RGP1: variants seen among roughly 807,000 people sequenced by gnomAD.
RGP1 encodes the protein RGP1 partner of RAB6A GEF complex, also known as RAB6A-GEF complex partner protein 2.
Under a neutral mutation model 44.5 loss-of-function variants are expected in RGP1, and 28 were observed. That is an observed-to-expected ratio of 0.63 (90% CI 0.47 to 0.86). The LOEUF (loss-of-function observed/expected upper bound fraction) is 0.86, where lower values mean the gene tolerates loss of function less well. RGP1 is among the 40% of genes least tolerant of loss of function. The pLI is 0.00. For synonymous variants in RGP1, 212 were observed against 196.7 expected (o/e 1.08, Z -0.65); for missense variants, 417 against 490.7 (o/e 0.85, Z 1.42).
At position 35,750,491 on chromosome 9, in the gene RGP1, G is replaced by A. The variant is rs907879259; in HGVS notation, c.253+112G>A. ...TTCTTGTTCTTATAGTCCCTGTCAT[G>A]CTGGGGATGTTGGGGAGCATGACTA... On this transcript the variant is annotated intron_variant, in intron 3 of 8. Coordinates refer to ENST00000378078, the MANE Select transcript of RGP1 (RefSeq NM_001080496.3). 7 of 1,375,278 alleles carry A rather than the reference G, an allele frequency of 5.1e-6. No homozygotes were observed. The Admixed American group carries it at 1.3e-4, about 26-fold the overall frequency. The allele number at this position is 1,375,278 out of a possible 1,614,324, so 85.2% of individuals were successfully genotyped here. A position where few individuals can be genotyped will look rare whatever the true frequency, so the allele number is the denominator to read the frequency against.
downstream of RGP1, among the ~76,000 whole-genome samples, chr9:35,762,827 T>G (rs1827430581): frequency 6.6e-6 from 1 of 151,820 alleles, no homozygotes; most frequent in South Asian, 2.1e-4. Flanking sequence ...TCCTTGAAGA[T>G]TTTCTTTTTA....
the RGP1 span, among the ~76,000 whole-genome samples, chr9:35,788,839 C>A: frequency 2.6e-5 from 4 of 151,946 alleles, no homozygotes; most frequent in Non-Finnish European, 4.4e-5. Flanking sequence ...TATACATAAC[C>A]GAAGTTCTCA....
rs1156413634 is a variant in RGP1 at position 35,752,835 on chromosome 9, T to A, written c.1137T>A (p.Tyr379Ter). The change falls in exon 9 of 9, where the codon TAT becomes TAA. Residue 379 changes from tyrosine to a stop codon, truncating the protein, a stop_gained. Coordinates refer to ENST00000378078, the MANE Select transcript of RGP1 (RefSeq NM_001080496.3). LOFTEE classifies it high-confidence loss of function. The stretch of plus-strand genomic sequence containing the variant: ...CTACTAGCCCCACCCTGGCCTCATA[T>A]GCTGCCCCAGGCCCCAGCACCAGCA... ...VLPTSPTLAS[Y>*]AAPGPSTSTI... 1.2e-6 allele frequency: 2 copies of A among 1,613,876 alleles called. No homozygotes were observed. Among genetic ancestry groups the A allele is most frequent in the Non-Finnish European group, 1.7e-6 (2 of 1,179,846 alleles).
chr9:35,754,704 A>C lies in RGP1; in HGVS notation c.*1830A>C, dbSNP rs921728590. ...AGCTGCAATAGGGTGCGACGGCCAG[A>C]AGCTCCAGGAGAGTGAGCAGGCACC... On this transcript the variant is annotated 3_prime_UTR_variant, in exon 9 of 9. Coordinates refer to ENST00000378078, the MANE Select transcript of RGP1 (RefSeq NM_001080496.3). 1.3e-5 allele frequency: 2 copies of C among 152,292 alleles called. No homozygotes were observed. Among genetic ancestry groups the C allele is most frequent in the African/African-American group, 4.8e-5 (2 of 41,438 alleles). 9.4% of individuals were successfully genotyped at this position (152,292 alleles called of 1,614,324 possible).
chr9:35,782,783 T>C, the RGP1 span, among the ~76,000 whole-genome samples: 10 of 150,866 alleles, frequency 6.6e-5, no homozygotes, highest in Admixed American at 6.6e-4. Flanking sequence ...TTGAATAAAG[T>C]ACACCAACTA....
chr9:35,751,854 T>A (rs531390522), intron 7 of RGP1, 100 bp downstream of exon 7: 2 of 1,581,146 alleles, frequency 1.3e-6, no homozygotes, highest in African/African-American at 1.4e-5. Flanking sequence ...AAGGGGATAG[T>A]GGGGTCATCC....
At position 35,749,952 on chromosome 9, in the gene RGP1, G is replaced by C; in HGVS notation, c.116+81G>C. The stretch of plus-strand genomic sequence containing the variant: ...CTGGGGCTGAGGCAGAGCTCAGGTT[G>C]TCCTGTAGCGACACCACCTCCTCTT... On this transcript the variant is annotated intron_variant, in intron 2 of 8. Coordinates refer to ENST00000378078, the MANE Select transcript of RGP1 (RefSeq NM_001080496.3). This position sits in a 1 kb window ranked among gnomAD's most constrained non-coding sequence, Gnocchi z 4.4. 7 of 1,115,066 alleles carry C rather than the reference G, an allele frequency of 6.3e-6. No individual in the cohort carries two copies. Among genetic ancestry groups the C allele is most frequent in the Non-Finnish European group, 9.3e-6 (7 of 755,104 alleles). 69.1% of individuals were successfully genotyped at this position (1,115,066 alleles called of 1,614,324 possible).
the RGP1 span, chr9:35,786,501 T>C: frequency 6.6e-6 from 1 of 152,200 alleles, no homozygotes; most frequent in Admixed American, 6.5e-5. Flanking sequence ...AGAGAAGAAC[T>C]GGGGCCTTCC....
chr9:35,751,874 T>C, intron 7 of RGP1, 82 bp from the exon 8 acceptor site: 1 of 1,566,890 alleles, frequency 6.4e-7, no homozygotes, highest in Non-Finnish European at 8.7e-7. Flanking sequence ...CAGGGTCCCT[T>C]TGTAAAACAG....
chr9:35,751,738 C>T lies in RGP1; in HGVS notation c.746C>T (p.Thr249Ile). 6.2e-7 allele frequency: 1 copy of T among 1,613,902 alleles called. No individual in the cohort carries two copies. The highest frequency in any genetic ancestry group is 8.5e-7 in the Non-Finnish European group (1 of 1,179,884). ...GGGACCTTAAACTTAGGGGAAGGAA[C>T]CGTAGCTTGTTTGCAGGTAAGAAGG... Reference protein sequence around the residue: ...VVGTLNLGEGTVACLQFSVSL... With the variant: ...VVGTLNLGEGIVACLQFSVSL... The change falls in exon 7 of 9, where the codon ACC becomes ATC. Residue 249 changes from threonine to isoleucine, a missense_variant. By Grantham distance (89) the Thr-to-Ile change is moderately conservative. Transcript: ENST00000378078.
Position 35,750,406 on chromosome 9 carries a change from A to AG in RGP1, c.253+34dup, listed in dbSNP as rs763715331. 1.2e-5 allele frequency: 20 copies of AG among 1,612,090 alleles called. No homozygotes were observed. In the East Asian group the frequency reaches 2.0e-4, roughly 16 times the overall value. ...TTAGAGAGGGGCATTTGCCTGGGAG[A>AG]GGGGGGGTGCGGAGGGTGTGTGTGG... On this transcript the variant is annotated intron_variant, in intron 3 of 8. Transcript: ENST00000378078.
rs1197237051 is a variant in RGP1 at position 35,754,434 on chromosome 9, A to AGAGG, written c.*1569_*1572dup. ...AGCTGATTCATGCCCCGGCACAGCTAGAGGGAGGGAGGTGGCCATGGAGGG... is the reference window on the plus strand; with the variant it reads ...AGCTGATTCATGCCCCGGCACAGCTAGAGGGAGGGAGGGAGGTGGCCATGGAGGG... On this transcript the variant is annotated 3_prime_UTR_variant, in exon 9 of 9. Coordinates refer to ENST00000378078, the MANE Select transcript of RGP1 (RefSeq NM_001080496.3). 1 of 229,254 alleles carries AGAGG rather than the reference A, an allele frequency of 4.4e-6. No individual in the cohort carries two copies. Among genetic ancestry groups the AGAGG allele is most frequent in the Non-Finnish European group, 8.5e-6 (1 of 118,148 alleles). The allele number at this position is 229,254 out of a possible 1,614,324, so 14.2% of individuals were successfully genotyped here. A position where few individuals can be genotyped will look rare whatever the true frequency, so the allele number is the denominator to read the frequency against.
intron 5 of RGP1, 49 bp downstream of exon 5, chr9:35,751,038 G>A (rs1827251077): frequency 1.2e-6 from 2 of 1,604,718 alleles, no homozygotes; most frequent in Admixed American, 3.4e-5. Flanking sequence ...CGATGCCAAA[G>A]CAGAAATTGT....
At chr9:35,751,893 T>TG in intron 7 of RGP1, 63 bp from the exon 8 acceptor site, 1 of 1,557,060 alleles carries the variant, frequency 6.4e-7, no homozygotes. Context: ...AGCTTGAGGT[T>TG]GGGCTGTCCT....
the RGP1 span, among the ~76,000 whole-genome samples, chr9:35,771,959 G>A: frequency 2.0e-5 from 3 of 152,008 alleles, no homozygotes; most frequent in Non-Finnish European, 4.4e-5. Flanking sequence ...ATTTTTATTT[G>A]GTTTGCTTTT....
chr9:35,777,127 CTTTTTTTT>C, the RGP1 span, among the ~76,000 whole-genome samples: 4 of 82,314 alleles, frequency 4.9e-5, no homozygotes, highest in African/African-American at 2.1e-4. Context: ...AGGTGTTTTT[CTTTTTTTT>C]TTTTTTTTTT....
the RGP1 span, among the ~76,000 whole-genome samples, chr9:35,787,974 G>A: frequency 6.6e-6 from 1 of 152,296 alleles, no homozygotes; most frequent in East Asian, 1.9e-4. Flanking sequence ...GAATTCTGTA[G>A]GCCTGGGAGG....
intron 5 of RGP1, 72 bp downstream of exon 5, chr9:35,751,061 G>T: frequency 6.3e-7 from 1 of 1,576,052 alleles, no homozygotes; most frequent in South Asian, 1.1e-5. Context: ...TAGAGGGCTT[G>T]CAAGAGGGAC....
chr9:35,779,495 G>C, the RGP1 span, among the ~76,000 whole-genome samples: 2 of 152,330 alleles, frequency 1.3e-5, no homozygotes, highest in Admixed American at 1.3e-4. Flanking sequence ...GATAGTAGTG[G>C]AATAGTCTGC....
Sources: allele counts gnomAD v4.1 joint callset (sites outside exome capture counted in the v4.1 genomes callset), GRCh38; gene constraint gnomAD v4.1.1; non-coding constraint Gnocchi (gnomAD v3.1); transcripts MANE v1.5; gene names NCBI Gene and HGNC (gene_info 2026-07-23, HGNC 2026-07-21).